The following NELL1 variants were observed in gnomAD, a reference collection of about 807,000 sequenced individuals.
NELL1 encodes the protein protein kinase C-binding protein NELL1.
A neutral mutation model predicts 107.4 loss-of-function variants in NELL1; 76 were observed. The ratio of observed to expected loss-of-function variants is 0.71; its 90% CI spans 0.59 to 0.86. NELL1 has a LOEUF of 0.86. Ranked by LOEUF, NELL1 falls within the 40% of genes least tolerant of loss-of-function variation. The probability of loss-of-function intolerance (pLI) is 0.00; values close to 1 mark genes in which losing one functional copy is unlikely to be tolerated. For missense variants in NELL1, 1,024 were observed against 1,005.5 expected (o/e 1.02, Z -0.25); for synonymous variants, 353 against 341.2 (o/e 1.03, Z -0.38).
intron 15 of NELL1, among the ~76,000 whole-genome samples, chr11:21,423,132 C>A (rs1706162614): frequency 6.6e-6 from 1 of 151,982 alleles, no homozygotes; most frequent in Non-Finnish European, 1.5e-5. Flanking sequence ...TTTGGGAGGC[C>A]AAGGTGGGCG....
Position 21,534,502 on chromosome 11 carries a change from G to T in NELL1, c.1774G>T (p.Glu592Ter), listed in dbSNP as rs771050608. ...CGATGGGACCTATTCACTGTCCGGG[G>T]AGTCCTGTATTGGTAAGCAGCTTTC... is the stretch of plus-strand genomic sequence containing the variant. ...HDDGTYSLSGESCIDIDECAL... is the reference protein window; with the variant it reads ...HDDGTYSLSG The change falls in exon 16 of 20, where the codon GAG becomes TAG. Residue 592 changes from glutamate to a stop codon, truncating the protein, a stop_gained. Coordinates refer to ENST00000357134, the MANE Select transcript of NELL1 (RefSeq NM_006157.5). LOFTEE classifies it high-confidence loss of function. 21 of 1,613,614 alleles carry T rather than the reference G, an allele frequency of 1.3e-5. No homozygotes were observed. Among genetic ancestry groups the T allele is most frequent in the South Asian group, 1.2e-4 (11 of 91,060 alleles).
rs542163964 is a variant in NELL1, at chr11:21,083,746, A to G, written c.1301-29843A>G. Reference sequence around the variant, plus strand: ...CATTCTGAGAGTATTGAAAGTGTTCATCTGTCATTCAACTTTAAACTTGGG... The same window carrying G: ...CATTCTGAGAGTATTGAAAGTGTTCGTCTGTCATTCAACTTTAAACTTGGG... On this transcript the variant is annotated intron_variant, in intron 12 of 19. Transcript: ENST00000357134. Among the ~76,000 whole-genome samples, 4 of 152,328 alleles carry G rather than the reference A, an allele frequency of 2.6e-5. No individual in the cohort carries two copies. The South Asian group carries it at 8.3e-4, about 32-fold the overall frequency.
At chr11:20,798,286 T>C (rs1857213928) in intron 3 of NELL1, among the ~76,000 whole-genome samples, 1 of 152,242 alleles carries the variant, frequency 6.6e-6, no homozygotes, top group African/African-American at 2.4e-5. Flanking sequence ...ACTTTTGACC[T>C]TAATTGAAGC....
intron 12 of NELL1, among the ~76,000 whole-genome samples, chr11:21,047,299 T>G (rs1853380141): frequency 6.6e-6 from 1 of 152,126 alleles, no homozygotes; most frequent in Non-Finnish European, 1.5e-5. Flanking sequence ...AGCTCATGTT[T>G]GAAAAAATGA....
At chr11:21,538,382 G>T (rs548719488) in intron 16 of NELL1, among the ~76,000 whole-genome samples, 1 of 152,050 alleles carries the variant, frequency 6.6e-6, no homozygotes, top group Non-Finnish European at 1.5e-5. Flanking sequence ...TTTAAGATTT[G>T]CCTTTTTCTC....
intron 15 of NELL1, among the ~76,000 whole-genome samples, chr11:21,465,481 A>G (rs1854005709): frequency 6.6e-6 from 1 of 152,044 alleles, no homozygotes; most frequent in Admixed American, 6.6e-5. Flanking sequence ...TGACAATAGC[A>G]TTTGGCATCT....
At chr11:20,698,324 C>T (rs1854677282) in intron 2 of NELL1, among the ~76,000 whole-genome samples, 2 of 152,116 alleles carry the variant, frequency 1.3e-5, no homozygotes, top group African/African-American at 4.8e-5. Flanking sequence ...TGTGTTTATT[C>T]TCCAAATCTG....
At chr11:21,051,040 T>C (rs892943030) in intron 12 of NELL1, among the ~76,000 whole-genome samples, 1 of 152,130 alleles carries the variant, frequency 6.6e-6, no homozygotes, top group African/African-American at 2.4e-5. Context: ...GGTGGTTGTC[T>C]ACTCAGAGGA....
intron 12 of NELL1, among the ~76,000 whole-genome samples, chr11:21,073,297 A>G (rs1342678639): frequency 6.6e-6 from 1 of 152,140 alleles, no homozygotes; most frequent in African/African-American, 2.4e-5. Context: ...TAAAGAAAAA[A>G]TCAGAGGGTA....
At chr11:20,704,948 T>C (rs1346991780) in intron 2 of NELL1, among the ~76,000 whole-genome samples, 2 of 152,044 alleles carry the variant, frequency 1.3e-5, no homozygotes, top group Non-Finnish European at 2.9e-5. Flanking sequence ...AGGAATCCAA[T>C]TTACAAGGGA....
chr11:21,527,019 A>G (rs527334514), intron 15 of NELL1, among the ~76,000 whole-genome samples: 2 of 152,292 alleles, frequency 1.3e-5, no homozygotes, highest in East Asian at 3.9e-4. Context: ...CTTCTCTTCT[A>G]CTGCACCATT....
intron 15 of NELL1, among the ~76,000 whole-genome samples, chr11:21,418,348 C>T (rs1277355748): frequency 6.6e-6 from 1 of 152,056 alleles, no homozygotes; most frequent in East Asian, 1.9e-4. Flanking sequence ...GCCTTGATGG[C>T]TATATGATCT....
At chr11:21,140,576 A>C (rs1396959873) in intron 13 of NELL1, among the ~76,000 whole-genome samples, 1 of 152,216 alleles carries the variant, frequency 6.6e-6, no homozygotes, top group African/African-American at 2.4e-5. Flanking sequence ...ACAGTTCTGA[A>C]AGTCTGCAAT....
intron 12 of NELL1, among the ~76,000 whole-genome samples, chr11:21,075,669 C>T (rs1389609131): frequency 6.6e-6 from 1 of 152,164 alleles, no homozygotes; most frequent in Non-Finnish European, 1.5e-5. Flanking sequence ...TTGTCTCAAA[C>T]ACCTATGCTC....
chr11:21,282,194 G>A (rs956485773), intron 14 of NELL1, among the ~76,000 whole-genome samples: 3 of 152,102 alleles, frequency 2.0e-5, no homozygotes, highest in Non-Finnish European at 4.4e-5. Flanking sequence ...CAAAAGATCT[G>A]AATAGACGTT....
At chr11:21,490,308 G>T (rs993515295) in intron 15 of NELL1, among the ~76,000 whole-genome samples, 2 of 151,732 alleles carry the variant, frequency 1.3e-5, no homozygotes, top group African/African-American at 4.8e-5. Context: ...CAAATTGAAA[G>T]ACATTACATG....
rs566880087 is a variant in NELL1, at chr11:20,761,975, G to A, written c.185-21705G>A. Among the ~76,000 whole-genome samples, 86 of 152,324 alleles carry A rather than the reference G, an allele frequency of 5.6e-4. No individual in the cohort carries two copies. In the South Asian group the frequency reaches 0.012, roughly 21 times the overall value. The stretch of plus-strand genomic sequence containing the variant: ...TTGCTAAGAAAAGGAAACTTCTCGG[G>A]AGAGAACCTTGTGAGTGCCTTAAAT... On this transcript the variant is annotated intron_variant, in intron 2 of 19. Transcript: ENST00000357134.
At chr11:21,568,958 A>G (rs1857035199) in intron 17 of NELL1, among the ~76,000 whole-genome samples, 1 of 151,710 alleles carries the variant, frequency 6.6e-6, no homozygotes, top group Admixed American at 6.6e-5. Context: ...TAACCTAGCC[A>G]TTTATTATCA....
At chr11:21,126,215 C>G (rs1358934364) in intron 13 of NELL1, among the ~76,000 whole-genome samples, 1 of 152,090 alleles carries the variant, frequency 6.6e-6, no homozygotes, top group East Asian at 1.9e-4. Flanking sequence ...TCAAATATAA[C>G]CTCCATCAGA....
Sources: gnomAD v4.1 joint callset for allele counts (sites outside exome capture counted in the v4.1 genomes callset) on GRCh38, gnomAD v4.1.1 for gene constraint, MANE v1.5 for transcripts, NCBI Gene and HGNC (gene_info 2026-07-23, HGNC 2026-07-21) for gene names.